Variants in MYO16 observed in about 807,000 individuals in gnomAD.
The protein encoded by MYO16 is unconventional myosin-XVI.
In MYO16, 94 loss-of-function variants were observed where a neutral mutation model predicts 205.3. The ratio of observed to expected loss-of-function variants is 0.46; its 90% CI spans 0.39 to 0.54. The LOEUF is 0.54. Ranked by LOEUF, MYO16 falls within the 20% of genes least tolerant of loss-of-function variation. MYO16 has a pLI of 0.00. For synonymous variants in MYO16, 988 were observed against 954.0 expected (o/e 1.04, Z -0.66); for missense variants, 2,315 against 2,387.5 (o/e 0.97, Z 0.63).
chr13:108,583,736 G>C, the MYO16 span, among the ~76,000 whole-genome samples: 16 of 152,260 alleles, frequency 1.1e-4, no homozygotes, highest in African/African-American at 3.9e-4. Flanking sequence ...TTACAAAGCT[G>C]ATTGTGGCAC....
At chr13:108,683,156 G>A (rs868377974) in intron 2 of MYO16, among the ~76,000 whole-genome samples, 8 of 152,074 alleles carry the variant, frequency 5.3e-5, no homozygotes, top group South Asian at 4.1e-4. Context: ...TCTTCTGTAC[G>A]CCTACAGGCA....
At chr13:108,566,012 A>G in the MYO16 span, among the ~76,000 whole-genome samples, 2 of 151,018 alleles carry the variant, frequency 1.3e-5, no homozygotes, top group Admixed American at 1.3e-4. Flanking sequence ...TGTGTCTTTG[A>G]CTAGTTTTGT....
intron 1 of MYO16, among the ~76,000 whole-genome samples, chr13:108,617,323 C>T (rs184489362): frequency 3.7e-4 from 57 of 152,266 alleles, no homozygotes; most frequent in African/African-American, 1.1e-3. Context: ...CCAGGGGCCA[C>T]GGTTAAAACC....
At position 109,100,896 on chromosome 13, in the gene MYO16, C is replaced by T. The variant is rs756906376; in HGVS notation, c.3438+9C>T. The T allele has an allele frequency of 6.9e-6, 11 of 1,601,506 alleles. No individual in the cohort carries two copies. Among genetic ancestry groups the T allele is most frequent in the Non-Finnish European group, 9.4e-6 (11 of 1,169,314 alleles). On this transcript the variant is annotated intron_variant, in intron 28 of 34. Transcript: ENST00000457511. The stretch of plus-strand genomic sequence containing the variant: ...AATTACAAGGCTGGCAGGTTGGTGA[C>T]CTACAAGCTATGAAAATAACATTTT...
At chr13:108,929,808 T>G (rs1218064189) in intron 16 of MYO16, among the ~76,000 whole-genome samples, 1 of 152,118 alleles carries the variant, frequency 6.6e-6, no homozygotes, top group Non-Finnish European at 1.5e-5. Context: ...AAAAAAAATG[T>G]ACTTAGCTAT....
chr13:109,082,633 G>C (rs28450328), intron 27 of MYO16, among the ~76,000 whole-genome samples: 83,404 of 151,786 alleles, frequency 0.55, 23,284 homozygotes, highest in Non-Finnish European at 0.6. Flanking sequence ...CCAGGAGTTC[G>C]AGACCAGCCT....
chr13:108,597,137 C>G (rs1434539320), intron 1 of MYO16, among the ~76,000 whole-genome samples: 1 of 152,178 alleles, frequency 6.6e-6, no homozygotes, highest in Non-Finnish European at 1.5e-5. Context: ...TTCCTTTACT[C>G]AGATGTTAGT....
chr13:108,580,508 C>G, the MYO16 span, among the ~76,000 whole-genome samples: 2 of 152,174 alleles, frequency 1.3e-5, no homozygotes, highest in Non-Finnish European at 2.9e-5. Context: ...CTCAATTTAT[C>G]TGTTTATTTG....
At position 108,844,454 on chromosome 13, in the gene MYO16, T is replaced by C; in HGVS notation, c.1209T>C (p.Pro403=). The change falls in exon 10 of 35, where the codon CCT becomes CCC. Residue 403 remains proline (P), a synonymous_variant. Coordinates refer to ENST00000457511, the MANE Select transcript of MYO16 (RefSeq NM_001198950.3). ...AGCAGCAGTCTCAGGACAGCATCCC[T>C]GAAAACCCCATGATGAGCGGTTCCA... The part of the protein sequence containing the change: ...LCKQQSQDSI[P]ENPMMSGSTK... 1 of 1,612,042 alleles carries C rather than the reference T, an allele frequency of 6.2e-7. No homozygotes were observed. Among genetic ancestry groups the C allele is most frequent in the Non-Finnish European group, 8.5e-7 (1 of 1,178,484 alleles).
intron 1 of MYO16, among the ~76,000 whole-genome samples, chr13:108,654,044 G>A (rs1004502935): frequency 5.9e-5 from 9 of 151,962 alleles, no homozygotes; most frequent in Non-Finnish European, 1.3e-4. Flanking sequence ...TTGAGTCAAG[G>A]GGACATGTTT....
chr13:108,762,245 G>A (rs1275660620), intron 4 of MYO16, among the ~76,000 whole-genome samples: 2 of 151,696 alleles, frequency 1.3e-5, no homozygotes, highest in Non-Finnish European at 2.9e-5. Context: ...AGTAGTCCAG[G>A]GGTGGACACT....
chr13:108,730,885 T>G (rs771337260), intron 4 of MYO16, among the ~76,000 whole-genome samples: 2 of 152,206 alleles, frequency 1.3e-5, no homozygotes, highest in Non-Finnish European at 2.9e-5. Context: ...ATCTTCCTAT[T>G]CTTTGATACA....
chr13:108,913,048 G>C (rs1354010498), intron 16 of MYO16, among the ~76,000 whole-genome samples: 6 of 152,148 alleles, frequency 3.9e-5, no homozygotes, highest in Non-Finnish European at 8.8e-5. Flanking sequence ...TTGCAAAAAA[G>C]AGTTTGGAGT....
intron 1 of MYO16, among the ~76,000 whole-genome samples, chr13:108,630,171 G>A (rs1879914369): frequency 6.6e-6 from 1 of 151,232 alleles, no homozygotes; most frequent in Non-Finnish European, 1.5e-5. Context: ...GAAACACATG[G>A]AAAGAAATTA....
chr13:108,871,140 A>C (rs1242259770), intron 12 of MYO16, among the ~76,000 whole-genome samples: 1 of 152,126 alleles, frequency 6.6e-6, no homozygotes, highest in Non-Finnish European at 1.5e-5. Context: ...ATCATTCCTT[A>C]AAATGCAGAT....
chr13:109,174,189 C>G (rs1228765934), intron 33 of MYO16, among the ~76,000 whole-genome samples: 2 of 152,094 alleles, frequency 1.3e-5, no homozygotes, highest in African/African-American at 4.8e-5. Flanking sequence ...ATACAGCACT[C>G]TTAAGAAGGG....
At chr13:108,867,507 G>C (rs1233675876) in intron 12 of MYO16, among the ~76,000 whole-genome samples, 1 of 152,162 alleles carries the variant, frequency 6.6e-6, no homozygotes, top group African/African-American at 2.4e-5. Flanking sequence ...GTGTGTGTGA[G>C]CATGAGACGC....
intron 22 of MYO16, among the ~76,000 whole-genome samples, chr13:109,012,467 G>T (rs1159212738): frequency 1.3e-5 from 2 of 152,146 alleles, no homozygotes; most frequent in African/African-American, 4.8e-5. Context: ...TCGAATGCCT[G>T]ATTCTACATT....
intron 34 of MYO16, among the ~76,000 whole-genome samples, chr13:109,203,195 G>A (rs1594184383): frequency 2.0e-5 from 3 of 152,272 alleles, no homozygotes; most frequent in African/African-American, 7.2e-5. Context: ...ACACAAACAG[G>A]TGGGACTTAA....
Sources: gnomAD v4.1 joint callset for allele counts (sites outside exome capture counted in the v4.1 genomes callset) on GRCh38, gnomAD v4.1.1 for gene constraint, MANE v1.5 for transcripts, NCBI Gene and HGNC (gene_info 2026-07-23, HGNC 2026-07-21) for gene names.